The following DHX33 variants were observed in gnomAD, a reference collection of about 807,000 sequenced individuals.
DHX33 encodes DEAH-box helicase 33.
In DHX33, 42 loss-of-function variants were observed where a neutral mutation model predicts 72.5. The observed-to-expected ratio is 0.58, with a 90% CI of 0.45 to 0.75. The LOEUF (loss-of-function observed/expected upper bound fraction) is 0.75. Among genes scored for constraint, DHX33 ranks in the 30% least tolerant of loss-of-function variants. DHX33 has a pLI of 0.00. For missense variants in DHX33, 842 were observed against 917.5 expected, an observed-to-expected ratio of 0.92 and a Z score of 1.06; for synonymous variants, 358 against 366.1, an observed-to-expected ratio of 0.98 and a Z score of 0.25.
At chr17:5,445,088 T>TG (rs1317812912) in intron 11 of DHX33, among the ~76,000 whole-genome samples, 5 of 151,902 alleles carry the variant, frequency 3.3e-5, no homozygotes, top group Non-Finnish European at 7.4e-5. Flanking sequence ...TCTTTCTTTT[T>TG]TTTTTTTTGA....
intron 1 of DHX33, among the ~76,000 whole-genome samples, chr17:5,464,793 A>G (rs906491947): frequency 2.0e-5 from 3 of 152,010 alleles, no homozygotes; most frequent in African/African-American, 7.3e-5. Context: ...ACTCCTGGCC[A>G]CTCCCCAGCC....
At chr17:5,448,779 C>T (rs1290969675) in intron 11 of DHX33, 30 bp downstream of exon 11, 13 of 1,528,394 alleles carry the variant, frequency 8.5e-6, no homozygotes, top group East Asian at 4.9e-5. Context: ...ACAGCTTTGT[C>T]ACCCACAGAA....
Position 5,450,228 on chromosome 17 carries a change from G to A in DHX33, c.1703C>T (p.Thr568Ile), listed in dbSNP as rs1916834552. The A allele has an allele frequency of 1.2e-6, 2 of 1,614,170 alleles. No homozygotes were observed. The highest frequency in any genetic ancestry group is 1.7e-6 in the Non-Finnish European group (2 of 1,180,024). Residue 568 changes from threonine (T) to isoleucine (I), a missense_variant, in exon 10 of 12, where the codon ACC becomes ATC. By Grantham distance (89) the Thr-to-Ile change is moderately conservative (BLOSUM62 -1). Coordinates refer to ENST00000225296, the MANE Select transcript of DHX33 (RefSeq NM_020162.4). ...CTTATTTCCGCCTAGGTTTTTGAAGGTCCGATAGATATTGAGCAGGGTCAT... is the reference window on the plus strand; with the variant it reads ...CTTATTTCCGCCTAGGTTTTTGAAGATCCGATAGATATTGAGCAGGGTCAT... Reference protein sequence around the residue: ...DHMTLLNIYRTFKNLGGNKDW... With the variant: ...DHMTLLNIYRIFKNLGGNKDW...
At chr17:5,447,516 C>T (rs1169325047) in intron 11 of DHX33, among the ~76,000 whole-genome samples, 1 of 151,824 alleles carries the variant, frequency 6.6e-6, no homozygotes. Context: ...CCCAGCTACT[C>T]GGGAGGCTGA....
At chr17:5,448,133 T>G (rs1916734505) in intron 11 of DHX33, among the ~76,000 whole-genome samples, 2 of 152,170 alleles carry the variant, frequency 1.3e-5, no homozygotes, top group Admixed American at 1.3e-4. Flanking sequence ...GAGCGGAGGC[T>G]GTGGTGAGCC....
At chr17:5,468,180 C>T (rs896430696) in intron 1 of DHX33, among the ~76,000 whole-genome samples, 5 of 152,222 alleles carry the variant, frequency 3.3e-5, no homozygotes, top group African/African-American at 9.6e-5. Context: ...TCCCTTTCGA[C>T]CGGAATGTGT....
In DHX33 at chr17:5,444,208, G is replaced by A. The variant is rs1163702725; in HGVS notation, c.2121C>T (p.Asn707=). The A allele has an allele frequency of 6.2e-7, 1 of 1,612,152 alleles. No individual in the cohort carries two copies. Among genetic ancestry groups the A allele is most frequent in the Non-Finnish European group, 8.5e-7 (1 of 1,178,452 alleles). The change falls in exon 12 of 12, where the codon AAC becomes AAT. Residue 707 remains asparagine, a synonymous_variant. Coordinates refer to ENST00000225296, the MANE Select transcript of DHX33 (RefSeq NM_020162.4). The surrounding 1 kb of genome is among the most constrained non-coding windows in gnomAD (Gnocchi z 4.9). The stretch of plus-strand genomic sequence containing the variant: ...TCTGGCGGCATCCTGGGGCGGCTCA[G>A]TTTCTGGCGGTTCTCAGCTTCCTCC... ...YFRRKLRTAR[N] is the part of the protein sequence containing the mutation.
At chr17:5,454,011 C>T in intron 6 of DHX33, 31 bp from the exon 7 acceptor site, 1 of 1,606,966 alleles carries the variant, frequency 6.2e-7, no homozygotes, top group African/African-American at 1.3e-5. Context: ...ATTAGTGCTT[C>T]ATCACATGAA....
intron 11 of DHX33, among the ~76,000 whole-genome samples, chr17:5,445,279 A>C (rs561565862): frequency 3.3e-5 from 5 of 152,106 alleles, no homozygotes; most frequent in African/African-American, 1.2e-4. Context: ...GGGTTTCACC[A>C]TTTTGGTCAG....
In DHX33 at chr17:5,462,294, C is replaced by T. The variant is rs753972189; in HGVS notation, c.678+25G>A. ...ACTTTCAGGGGAAGTTTCCCTCATA[C>T]TTTCAGGGGAAGTTTCCCTCATACT... On this transcript the variant is annotated intron_variant, in intron 3 of 11. Transcript: ENST00000225296. The T allele has an allele frequency of 5.0e-6, 8 of 1,605,030 alleles. No homozygotes were observed. The East Asian group carries it at 1.3e-4, about 27-fold the overall frequency.
chr17:5,468,497 G>A, intron 1 of DHX33, 74 bp downstream of exon 1: 3 of 1,512,738 alleles, frequency 2.0e-6, no homozygotes, highest in African/African-American at 1.4e-5. Context: ...GGGATTGAGA[G>A]GCATGTAAGA....
chr17:5,456,310 A>G, intron 4 of DHX33, 128 bp from the exon 5 acceptor site: 1 of 1,043,074 alleles, frequency 9.6e-7, no homozygotes, highest in Non-Finnish European at 1.4e-6. Context: ...AATGAGCCTA[A>G]AAGTTGATGT....
Position 5,448,812 on chromosome 17 carries a change from T to A in DHX33, c.1812A>T (p.Leu604Phe). Reference sequence around the variant, plus strand: ...GAACACTAGGACCAGACGATACCTTTAAGCAGATGTCCCTCAGCTGTGCTC... The same window carrying A: ...GAACACTAGGACCAGACGATACCTTAAAGCAGATGTCCCTCAGCTGTGCTC... ...EVRAQLRDICLKMSMPIASSR... is the reference protein window; with the variant it reads ...EVRAQLRDICFKMSMPIASSR... The change falls in exon 11 of 12, where the codon TTA (leucine) becomes TTT (phenylalanine). Residue 604 changes from leucine (L) to phenylalanine (F), a missense_variant. Transcript: ENST00000225296. 3 of 1,606,898 alleles carry A rather than the reference T, an allele frequency of 1.9e-6. No individual in the cohort carries two copies. Among genetic ancestry groups the A allele is most frequent in the Non-Finnish European group, 8.5e-7 (1 of 1,176,600 alleles).
intron 5 of DHX33, 86 bp downstream of exon 5, chr17:5,455,911 T>C: frequency 1.4e-6 from 2 of 1,422,492 alleles, no homozygotes; most frequent in Non-Finnish European, 1.9e-6. Flanking sequence ...ACACCTTATC[T>C]GGAGCCTGGT....
rs780830929 is a variant in DHX33, at chr17:5,456,017, C to T, written c.1015G>A (p.Val339Ile). The T allele has an allele frequency of 2.2e-5, 35 of 1,612,560 alleles. No individual in the cohort carries two copies. The Middle Eastern group carries it at 1.0e-3, about 48-fold the overall frequency. ...CTCACCTTTGGGGCCCCTTGGAAGA[C>T]TCGGAGCTGCTGTGCATAGGGCAGG... ...ASLPYAQQLRVFQGAPKGYRK... is the reference protein window; with the variant it reads ...ASLPYAQQLRIFQGAPKGYRK... Residue 339 changes from valine to isoleucine, a missense_variant, in exon 5 of 12, where the codon GTC becomes ATC. By Grantham distance (29) the Val-to-Ile change is conservative (BLOSUM62 3). Transcript: ENST00000225296.
rs1440231636 is a variant in DHX33 at position 5,468,949 on chromosome 17, C to T, written c.-90G>A. 3 of 1,298,688 alleles carry T rather than the reference C, an allele frequency of 2.3e-6. No individual in the cohort carries two copies. The highest frequency in any genetic ancestry group is 3.2e-6 in the Non-Finnish European group (3 of 946,890). 80.4% of individuals were successfully genotyped at this position (1,298,688 alleles called of 1,614,324 possible). A position where few individuals can be genotyped will look rare whatever the true frequency, so the allele number is the denominator to read the frequency against. On this transcript the variant is annotated 5_prime_UTR_variant, in exon 1 of 12. Transcript: ENST00000225296. ...CAACAGGAGCACACCGCCCCTTCCT[C>T]GCCGCCACGTGCTGGCGGCTCCCGG...
In DHX33 at chr17:5,444,634, C is replaced by T. The variant is rs1567595811; in HGVS notation, c.1816-121G>A. The T allele has an allele frequency of 2.7e-5, 28 of 1,045,514 alleles. No individual in the cohort carries two copies. The highest frequency in any genetic ancestry group is 3.1e-5 in the Non-Finnish European group (23 of 730,330). The allele number at this position is 1,045,514 out of a possible 1,614,324, so 64.8% of individuals were successfully genotyped here. On this transcript the variant is annotated intron_variant, in intron 11 of 11. Coordinates refer to ENST00000225296, the MANE Select transcript of DHX33 (RefSeq NM_020162.4). This position sits in a 1 kb window ranked among gnomAD's most constrained non-coding sequence, Gnocchi z 4.9. ...AAAGCAGCCCACATTGTGAGCCTAA[C>T]GATGTGGATTCTGACATTCGGAGGT...
Position 5,450,838 on chromosome 17 carries a change from GC to G in DHX33, c.1492del (p.Ala498GlnfsTer5). ...LTLTPMGRKM[A>X]AFPLEPKFAK... is the part of the protein sequence containing the mutation. ...AAATTTGGGTTCTAAAGGAAATGCT[GC>G]CATCTTTCTTCCCATTGGAGTCAGG... On this transcript the variant is annotated frameshift_variant, in exon 9 of 12. Coordinates refer to ENST00000225296, the MANE Select transcript of DHX33 (RefSeq NM_020162.4). LOFTEE classifies it high-confidence loss of function. 6.2e-7 allele frequency: 1 copy of G among 1,614,184 alleles called. No homozygotes were observed. Among genetic ancestry groups the G allele is most frequent in the Admixed American group, 1.7e-5 (1 of 60,022 alleles).
chr17:5,447,374 G>C (rs1916697045), intron 11 of DHX33, among the ~76,000 whole-genome samples: 1 of 151,990 alleles, frequency 6.6e-6, no homozygotes, highest in Non-Finnish European at 1.5e-5. Flanking sequence ...AAAAAATTAG[G>C]CCGGGCGTGG....
Sources: gnomAD v4.1 joint callset for allele counts (sites outside exome capture counted in the v4.1 genomes callset) on GRCh38, gnomAD v4.1.1 for gene constraint, Gnocchi (gnomAD v3.1) non-coding constraint, MANE v1.5 for transcripts, NCBI Gene and HGNC (gene_info 2026-07-23, HGNC 2026-07-21) for gene names.